Variants in CNTN5 observed in about 807,000 individuals in gnomAD.
The protein encoded by CNTN5 is contactin 5, also known as contactin-5.
Under a neutral mutation model 129.1 loss-of-function variants are expected in CNTN5, and 77 were observed. The ratio of observed to expected loss-of-function variants is 0.60; its 90% CI spans 0.50 to 0.72. The LOEUF is 0.72. Ranked by LOEUF, CNTN5 falls within the 30% of genes least tolerant of loss-of-function variation. CNTN5 has a pLI of 0.00. For synonymous variants in CNTN5, 509 were observed against 465.6 expected, an observed-to-expected ratio of 1.09 and a Z score of -1.20; for missense variants, 1,478 against 1,328.8, an observed-to-expected ratio of 1.11 and a Z score of -1.75.
At chr11:99,856,422 TTTCA>T (rs1948036329) in intron 6 of CNTN5, among the ~76,000 whole-genome samples, 1 of 152,194 alleles carries the variant, frequency 6.6e-6, no homozygotes, top group East Asian at 1.9e-4. Context: ...GACAGTGGAC[TTTCA>T]ATCTATTCTA....
At chr11:99,314,177 C>T (rs865950855) in intron 1 of CNTN5, among the ~76,000 whole-genome samples, 15 of 151,882 alleles carry the variant, frequency 9.9e-5, no homozygotes, top group South Asian at 8.3e-4. Context: ...GGTGGCATAA[C>T]ATAATATATA....
intron 3 of CNTN5, among the ~76,000 whole-genome samples, chr11:99,646,531 A>G (rs981777751): frequency 2.0e-5 from 3 of 152,180 alleles, no homozygotes; most frequent in Admixed American, 6.5e-5. Context: ...AGAATATACA[A>G]TCAATCCACT....
intron 3 of CNTN5, among the ~76,000 whole-genome samples, chr11:99,739,539 C>T (rs543642608): frequency 3.3e-4 from 50 of 152,030 alleles, no homozygotes; most frequent in Non-Finnish European, 6.6e-4. Flanking sequence ...TAAAACACAT[C>T]TCTCTGAAAA....
At chr11:99,387,812 C>G (rs923983417) in intron 2 of CNTN5, among the ~76,000 whole-genome samples, 1 of 152,128 alleles carries the variant, frequency 6.6e-6, no homozygotes, top group Non-Finnish European at 1.5e-5. Flanking sequence ...TTGGCTTTTA[C>G]CATGCTGTTG....
chr11:100,046,566 C>G (rs1183547870), intron 9 of CNTN5, among the ~76,000 whole-genome samples: 1 of 151,748 alleles, frequency 6.6e-6, no homozygotes, highest in Admixed American at 6.6e-5. Context: ...TTTAAGATTT[C>G]TCCATAGTGT....
At chr11:99,453,909 A>G (rs1944401202) in intron 2 of CNTN5, among the ~76,000 whole-genome samples, 1 of 152,210 alleles carries the variant, frequency 6.6e-6, no homozygotes, top group South Asian at 2.1e-4. Flanking sequence ...GCAGTATAGA[A>G]ATACTAAGAA....
chr11:100,295,532 G>A (rs1387853616), intron 18 of CNTN5, among the ~76,000 whole-genome samples: 1 of 151,190 alleles, frequency 6.6e-6, no homozygotes, highest in Non-Finnish European at 1.5e-5. Context: ...CAATGGATGT[G>A]AAACAATACT....
intron 1 of CNTN5, among the ~76,000 whole-genome samples, chr11:99,228,356 CAAAG>C (rs1020549834): frequency 1.8e-4 from 28 of 151,810 alleles, no homozygotes; most frequent in African/African-American, 6.8e-4. Flanking sequence ...GTTTAGCACA[CAAAG>C]AAAGATTGGT....
intron 2 of CNTN5, among the ~76,000 whole-genome samples, chr11:99,446,106 C>A (rs969463712): frequency 2.0e-5 from 3 of 150,040 alleles, no homozygotes; most frequent in Admixed American, 1.3e-4. Context: ...AAAAAACAAC[C>A]AAACTTCCTT....
intron 13 of CNTN5, among the ~76,000 whole-genome samples, chr11:100,079,641 C>CT (rs146040244): frequency 7.9e-5 from 12 of 151,470 alleles, no homozygotes; most frequent in South Asian, 2.1e-4. Context: ...ATTTTAAAGA[C>CT]TTTTTTTTTC....
At chr11:99,761,320 G>T (rs189689602) in intron 3 of CNTN5, among the ~76,000 whole-genome samples, 1,837 of 152,030 alleles carry the variant, frequency 0.012, 13 homozygotes, top group Non-Finnish European at 0.019. Flanking sequence ...CATTGTGCAG[G>T]TTTGTTACGT....
intron 1 of CNTN5, among the ~76,000 whole-genome samples, chr11:99,266,859 A>T (rs1862924962): frequency 6.6e-6 from 1 of 152,006 alleles, no homozygotes; most frequent in Non-Finnish European, 1.5e-5. Flanking sequence ...GAGACAGATA[A>T]GTATGCGCAA....
At chr11:99,414,427 T>TAC (rs1942546832) in intron 2 of CNTN5, among the ~76,000 whole-genome samples, 1 of 151,994 alleles carries the variant, frequency 6.6e-6, no homozygotes, top group African/African-American at 2.4e-5. Flanking sequence ...GACCTGGAGA[T>TAC]ACAGCAGAAA....
chr11:100,022,034 A>T (rs58697729), intron 9 of CNTN5, among the ~76,000 whole-genome samples: 1 of 152,082 alleles, frequency 6.6e-6, no homozygotes. Context: ...TGCCCACCAC[A>T]TTGTGGGTAG....
intron 13 of CNTN5, 54 bp from the exon 14 acceptor site, chr11:100,191,072 A>G: frequency 7.0e-6 from 9 of 1,283,728 alleles, no homozygotes; most frequent in Admixed American, 2.1e-5. Flanking sequence ...GGTTCTTACT[A>G]TTTAGCTGAT....
chr11:99,307,655 T>C (rs1336985435), intron 1 of CNTN5, among the ~76,000 whole-genome samples: 3 of 152,082 alleles, frequency 2.0e-5, no homozygotes, highest in Non-Finnish European at 2.9e-5. Context: ...GGCTGAGAGG[T>C]CTTGACAAGC....
At chr11:99,097,590 A>G (rs990558226) in intron 1 of CNTN5, among the ~76,000 whole-genome samples, 1 of 151,954 alleles carries the variant, frequency 6.6e-6, no homozygotes, top group Admixed American at 6.6e-5. Context: ...TTGAGTTATA[A>G]AAATTACTTT....
intron 2 of CNTN5, among the ~76,000 whole-genome samples, chr11:99,354,918 T>C (rs1044768959): frequency 2.6e-5 from 4 of 152,174 alleles, no homozygotes; most frequent in African/African-American, 7.2e-5. Flanking sequence ...GCTCTTTCCA[T>C]CCTTTAGCCC....
intron 3 of CNTN5, among the ~76,000 whole-genome samples, chr11:99,792,535 A>AGGGG (rs1319099754): frequency 1.5e-3 from 119 of 79,520 alleles, no homozygotes; most frequent in African/African-American, 7.5e-3. Flanking sequence ...TGGCCTGAAG[A>AGGGG]GGGGTGTGTG....
Sources: gnomAD v4.1 joint callset for allele counts (sites outside exome capture counted in the v4.1 genomes callset) on GRCh38, gnomAD v4.1.1 for gene constraint, MANE v1.5 for transcripts, NCBI Gene and HGNC (gene_info 2026-07-23, HGNC 2026-07-21) for gene names.